RARB: variants seen among roughly 807,000 people sequenced by gnomAD.
RARB encodes the protein HBV-activated protein.
RARB carries 17 observed loss-of-function variants against 51.9 expected under a neutral mutation model. That is an observed-to-expected ratio of 0.33 (90% confidence interval 0.22 to 0.49). RARB has a LOEUF of 0.49. RARB is among the 20% of genes least tolerant of loss of function. The pLI is 0.99. For missense variants in RARB, 369 were observed against 550.8 expected (o/e 0.67, Z 3.30); for synonymous variants, 215 against 195.4 (o/e 1.10, Z -0.84).
intron 3 of RARB, among the ~76,000 whole-genome samples, chr3:25,121,226 T>G (rs1010680819): frequency 5.3e-5 from 8 of 152,106 alleles, no homozygotes; most frequent in African/African-American, 1.2e-4. Flanking sequence ...GGGAGAATTT[T>G]CAGGCATGAC....
At chr3:25,157,350 T>TGG (rs1700392801) in intron 4 of RARB, among the ~76,000 whole-genome samples, 1 of 145,000 alleles carries the variant, frequency 6.9e-6, no homozygotes. Context: ...GTGTGTGTGT[T>TGG]TGTGTGTGTG....
intron 5 of RARB, among the ~76,000 whole-genome samples, chr3:25,395,552 G>A (rs1707090658): frequency 6.6e-6 from 1 of 152,148 alleles, no homozygotes; most frequent in Non-Finnish European, 1.5e-5. Context: ...CATAGGTTTG[G>A]TTGTTTAACA....
At chr3:24,948,411 A>T (rs1162793230) in intron 2 of RARB, among the ~76,000 whole-genome samples, 1 of 152,220 alleles carries the variant, frequency 6.6e-6, no homozygotes, top group East Asian at 1.9e-4. Flanking sequence ...AACCACACAG[A>T]GTGTGGATAA....
At chr3:25,052,717 AT>A (rs1273030776) in intron 2 of RARB, among the ~76,000 whole-genome samples, 2 of 152,160 alleles carry the variant, frequency 1.3e-5, no homozygotes, top group African/African-American at 4.8e-5. Context: ...GTAGATTGCA[AT>A]TTAACAATCA....
chr3:25,204,250 T>A (rs901834012), intron 5 of RARB, among the ~76,000 whole-genome samples: 2 of 152,184 alleles, frequency 1.3e-5, no homozygotes, highest in Non-Finnish European at 2.9e-5. Context: ...TTCATGTAGT[T>A]CTCGTGCCAC....
At chr3:25,251,340 A>G (rs1342819556) in intron 5 of RARB, among the ~76,000 whole-genome samples, 6 of 152,032 alleles carry the variant, frequency 3.9e-5, no homozygotes, top group Non-Finnish European at 8.8e-5. Context: ...ATTTGTGTAC[A>G]AGTTTTTTCA....
chr3:25,315,385 T>C (rs1193124687), intron 5 of RARB, among the ~76,000 whole-genome samples: 3 of 152,232 alleles, frequency 2.0e-5, no homozygotes, highest in East Asian at 3.9e-4. Flanking sequence ...CTTTTTCGAA[T>C]TGTAGACATA....
chr3:24,867,108 G>A (rs1702864401), intron 2 of RARB, among the ~76,000 whole-genome samples: 2 of 152,078 alleles, frequency 1.3e-5, no homozygotes, highest in South Asian at 4.1e-4. Flanking sequence ...AGTAATTGGG[G>A]AAGTTTATAT....
chr3:25,449,444 C>A (rs1351421117), intron 1 of RARB, among the ~76,000 whole-genome samples: 2 of 152,072 alleles, frequency 1.3e-5, no homozygotes, highest in Admixed American at 6.5e-5. Context: ...TACTTTTGTT[C>A]TTTATGCTGG....
intron 4 of RARB, among the ~76,000 whole-genome samples, chr3:25,578,580 C>A (rs1177353656): frequency 6.6e-6 from 1 of 152,192 alleles, no homozygotes; most frequent in African/African-American, 2.4e-5. Context: ...GGATAAACTG[C>A]CTATTAAATT....
intron 2 of RARB, among the ~76,000 whole-genome samples, chr3:25,039,448 T>G (rs1293928478): frequency 1.3e-5 from 2 of 152,208 alleles, no homozygotes; most frequent in Non-Finnish European, 2.9e-5. Context: ...TTACTAGTAA[T>G]TTTAATTCAA....
intron 2 of RARB, among the ~76,000 whole-genome samples, chr3:24,914,569 G>T (rs2125382274): frequency 1.3e-5 from 2 of 152,228 alleles, no homozygotes; most frequent in South Asian, 4.1e-4. Context: ...TGATACTCGT[G>T]TCCCTGATAG....
intron 2 of RARB, among the ~76,000 whole-genome samples, chr3:24,951,326 G>A (rs1187408882): frequency 6.6e-6 from 1 of 152,158 alleles, no homozygotes; most frequent in East Asian, 1.9e-4. Context: ...AACTGGATGT[G>A]AGTCAGTGCA....
chr3:25,375,726 C>A (rs928973164), intron 5 of RARB, among the ~76,000 whole-genome samples: 3 of 152,276 alleles, frequency 2.0e-5, no homozygotes, highest in Admixed American at 6.5e-5. Context: ...CCTATAAATT[C>A]TCTGATTGTG....
chr3:25,004,677 T>C (rs1166923066), intron 2 of RARB, among the ~76,000 whole-genome samples: 3 of 152,108 alleles, frequency 2.0e-5, no homozygotes, highest in Admixed American at 2.0e-4. Flanking sequence ...ACTTCTGCAG[T>C]GTGACATTTA....
chr3:25,188,508 TCTAAG>T (rs1228974489), intron 5 of RARB, among the ~76,000 whole-genome samples: 2 of 152,126 alleles, frequency 1.3e-5, no homozygotes, highest in Non-Finnish European at 2.9e-5. Context: ...AGTGTTAACT[TCTAAG>T]CTAAGGTCCT....
At chr3:25,530,840 C>T (rs577868623) in intron 3 of RARB, among the ~76,000 whole-genome samples, 49 of 152,236 alleles carry the variant, frequency 3.2e-4, no homozygotes, top group Admixed American at 7.8e-4. Flanking sequence ...CTACTGCCTA[C>T]GGTGAAGAAC....
At chr3:25,318,793 ACT>A (rs986620985) in intron 5 of RARB, among the ~76,000 whole-genome samples, 8 of 151,876 alleles carry the variant, frequency 5.3e-5, no homozygotes, top group African/African-American at 1.9e-4. Context: ...CCACCCTGAA[ACT>A]CTCTCATGAC....
chr3:25,355,682 G>A (rs1339291260), intron 5 of RARB, among the ~76,000 whole-genome samples: 1 of 152,098 alleles, frequency 6.6e-6, no homozygotes, highest in African/African-American at 2.4e-5. Context: ...ATATAATCAT[G>A]TGTTATCAGA....
Sources: allele counts gnomAD v4.1 joint callset (sites outside exome capture counted in the v4.1 genomes callset), GRCh38; gene constraint gnomAD v4.1.1; transcripts MANE v1.5; gene names NCBI Gene and HGNC (gene_info 2026-07-23, HGNC 2026-07-21).